The following CLIP1 variants were observed in gnomAD, a reference collection of about 807,000 sequenced individuals.
CLIP1 encodes CAP-Gly domain-containing linker protein 1.
In CLIP1, 66 loss-of-function variants were observed where a neutral mutation model predicts 161.6. That is an observed-to-expected ratio of 0.41 (90% CI 0.33 to 0.50). The LOEUF is 0.50. Among genes scored for constraint, CLIP1 ranks in the 20% least tolerant of loss-of-function variants. The pLI, the probability that CLIP1 is intolerant of heterozygous loss-of-function variation, is 0.27. For missense variants in CLIP1, 1,376 were observed against 1,702.0 expected, an observed-to-expected ratio of 0.81 and a Z score of 3.37; for synonymous variants, 598 against 626.2, an observed-to-expected ratio of 0.96 and a Z score of 0.67.
chr12:122,303,285 T>C (rs774868684), intron 20 of CLIP1, among the ~76,000 whole-genome samples: 1 of 152,188 alleles, frequency 6.6e-6, no homozygotes, highest in African/African-American at 2.4e-5. Context: ...TGTCTCTCTC[T>C]GGCTCTTGAT....
intron 9 of CLIP1, among the ~76,000 whole-genome samples, chr12:122,349,886 GTTT>G (rs1000111717): frequency 1.2e-3 from 147 of 118,536 alleles, no homozygotes; most frequent in African/African-American, 4.5e-3. Flanking sequence ...TCAGTCTTGT[GTTT>G]TTTTGTTTTT....
At chr12:122,374,313 T>TA (rs1954604536) in intron 3 of CLIP1, among the ~76,000 whole-genome samples, 1 of 35,428 alleles carries the variant, frequency 2.8e-5, no homozygotes, top group African/African-American at 1.2e-4. Flanking sequence ...CTACTAAAAA[T>TA]ACAAAAAAAA....
intron 20 of CLIP1, among the ~76,000 whole-genome samples, chr12:122,305,428 C>T (rs1950827983): frequency 6.6e-6 from 1 of 152,196 alleles, no homozygotes; most frequent in African/African-American, 2.4e-5. Context: ...GAGACTCTGT[C>T]TCTTAAAAAA....
chr12:122,276,396 A>ACACACACACACACACAC (rs1162201985), intron 24 of CLIP1: 1 of 1,288,844 alleles, frequency 7.8e-7, no homozygotes. Flanking sequence ...ACACACACAC[A>ACACACACACACACACAC]CACACACACG....
chr12:122,383,921 G>C (rs1955122851), intron 1 of CLIP1, among the ~76,000 whole-genome samples: 1 of 151,862 alleles, frequency 6.6e-6, no homozygotes, highest in Non-Finnish European at 1.5e-5. Context: ...AATGAATCAG[G>C]AGATTTGGAC....
intron 3 of CLIP1, 77 bp downstream of exon 3, chr12:122,377,312 T>C (rs1241710553): frequency 2.4e-5 from 32 of 1,344,930 alleles, no homozygotes; most frequent in Non-Finnish European, 3.2e-5. Flanking sequence ...CCAGCCCTGA[T>C]GTGTGTGTAT....
intron 20 of CLIP1, among the ~76,000 whole-genome samples, chr12:122,294,848 A>G (rs574690758): frequency 6.6e-6 from 1 of 151,964 alleles, no homozygotes; most frequent in African/African-American, 2.4e-5. Context: ...GGAGATAGAG[A>G]CTCCATCCTG....
At chr12:122,321,219 T>C (rs1181113255) in intron 17 of CLIP1, among the ~76,000 whole-genome samples, 1 of 151,864 alleles carries the variant, frequency 6.6e-6, no homozygotes, top group Admixed American at 6.6e-5. Flanking sequence ...GAAGACTATA[T>C]TTCAATATGT....
At chr12:122,373,005 G>A (rs1954530315) in intron 3 of CLIP1, among the ~76,000 whole-genome samples, 1 of 152,142 alleles carries the variant, frequency 6.6e-6, no homozygotes, top group Admixed American at 6.6e-5. Context: ...ATTATTAGGT[G>A]CAGCGTATAC....
In CLIP1 at chr12:122,272,833, C is replaced by A; in HGVS notation, c.*42G>T. ...ATGCTGGTGTTACGTTGTGTCAATG[C>A]GAGTGCGTCTGAGCAAGCCCAGTTC... is the stretch of plus-strand genomic sequence containing the variant. On this transcript the variant is annotated 3_prime_UTR_variant, in exon 26 of 26. Transcript: ENST00000620786. The A allele has an allele frequency of 3.9e-6, 6 of 1,540,784 alleles. No homozygotes were observed. The highest frequency in any genetic ancestry group is 1.4e-5 in the African/African-American group (1 of 73,560).
At chr12:122,356,087 C>T (rs1953333561) in intron 5 of CLIP1, 1 of 152,218 alleles carries the variant, frequency 6.6e-6, no homozygotes, top group Non-Finnish European at 1.5e-5. Context: ...AAAGAATCAA[C>T]CTTTTGTTCT....
intron 3 of CLIP1, among the ~76,000 whole-genome samples, chr12:122,376,185 G>A (rs11057797): frequency 0.2 from 30,791 of 151,832 alleles, 3,476 homozygotes; most frequent in Admixed American, 0.26. Flanking sequence ...TGATCCACCC[G>A]CTTAGCCTCC....
At chr12:122,385,932 T>C (rs1389394413) in intron 1 of CLIP1, among the ~76,000 whole-genome samples, 4 of 152,116 alleles carry the variant, frequency 2.6e-5, no homozygotes, top group Non-Finnish European at 5.9e-5. Context: ...ACAAGTTTCA[T>C]GTTCACAACT....
chr12:122,363,854 G>T, intron 4 of CLIP1, 129 bp downstream of exon 4: 1 of 1,273,572 alleles, frequency 7.9e-7, no homozygotes, highest in East Asian at 2.5e-5. Flanking sequence ...TTAGCAGATG[G>T]GTCTTAGGAA....
Position 122,361,014 on chromosome 12 carries a change from C to G in CLIP1, c.950G>C (p.Ser317Thr). The change falls in exon 5 of 26, where the codon AGC (serine) becomes ACC (threonine). Residue 317 changes from serine (S) to threonine (T), a missense_variant. Ser to Thr is a moderately conservative substitution (Grantham distance 58). Coordinates refer to ENST00000620786, the MANE Select transcript of CLIP1 (RefSeq NM_001247997.2). ...AGAGGAGGCCACTGAGCTCATGGAG[C>G]TGAGGGAAGAGGCAGAAGGGCTGCG... is the stretch of plus-strand genomic sequence containing the variant. ...LKRSPSASSL[S>T]SMSSVASSVS... The G allele has an allele frequency of 1.2e-6, 2 of 1,614,154 alleles. No homozygotes were observed. The highest frequency in any genetic ancestry group is 1.7e-6 in the Non-Finnish European group (2 of 1,180,034).
intron 3 of CLIP1, among the ~76,000 whole-genome samples, chr12:122,373,112 T>TA (rs1323967622): frequency 5.3e-5 from 8 of 151,980 alleles, no homozygotes; most frequent in East Asian, 3.9e-4. Flanking sequence ...CCTACGGTAA[T>TA]AAAAAAAATT....
At chr12:122,290,557 TA>T (rs1188396679) in intron 20 of CLIP1, among the ~76,000 whole-genome samples, 12 of 152,168 alleles carry the variant, frequency 7.9e-5, no homozygotes, top group Admixed American at 3.3e-4. Context: ...AATCAATACT[TA>T]AAACTGGAAA....
intron 9 of CLIP1, among the ~76,000 whole-genome samples, chr12:122,348,920 T>C (rs997194847): frequency 2.0e-5 from 3 of 152,198 alleles, no homozygotes; most frequent in African/African-American, 7.2e-5. Context: ...GGGACCTCAA[T>C]ACATTCAAGA....
At chr12:122,294,328 C>CAA (rs59785886) in intron 20 of CLIP1, among the ~76,000 whole-genome samples, 6,314 of 83,684 alleles carry the variant, frequency 0.075, 260 homozygotes, top group Middle Eastern at 0.12. Flanking sequence ...GACTCTGTCT[C>CAA]AAAAAAAAAA....
Sources: allele counts gnomAD v4.1 joint callset (sites outside exome capture counted in the v4.1 genomes callset), GRCh38; gene constraint gnomAD v4.1.1; transcripts MANE v1.5; gene names NCBI Gene and HGNC (gene_info 2026-07-23, HGNC 2026-07-21).